GPAM: variants seen among roughly 807,000 people sequenced by gnomAD.
GPAM encodes the protein glycerol-3-phosphate acyltransferase, mitochondrial, also known as glycerol-3-phosphate acyltransferase 1, mitochondrial.
A neutral mutation model predicts 105.0 loss-of-function variants in GPAM; 56 were observed. The observed-to-expected ratio is 0.53, with a 90% CI of 0.43 to 0.67. GPAM has a LOEUF of 0.67. Among genes scored for constraint, GPAM ranks in the 30% least tolerant of loss-of-function variants. The pLI, the probability that GPAM is intolerant of heterozygous loss-of-function variation, is 0.00. For synonymous variants in GPAM, 368 were observed against 354.4 expected (o/e 1.04, Z -0.43); for missense variants, 855 against 989.8 (o/e 0.86, Z 1.83).
intron 1 of GPAM, among the ~76,000 whole-genome samples, chr10:112,208,783 C>T (rs1847878239): frequency 6.6e-6 from 1 of 152,110 alleles, no homozygotes; most frequent in Admixed American, 6.5e-5. Context: ...TCAACTAACC[C>T]CATCATTTGA....
the GPAM span, among the ~76,000 whole-genome samples, chr10:112,227,069 C>T: frequency 1.3e-5 from 2 of 152,196 alleles, no homozygotes; most frequent in Admixed American, 6.5e-5. Context: ...TCTCCCAACA[C>T]CGTGACCCCT....
rs59715102 is a variant in GPAM at position 112,200,244 on chromosome 10, T to TAGAGAGAGAG, written n.210+14914_210+14923dup. On this transcript the variant is annotated intron_variant and non_coding_transcript_variant, in intron 1 of 3. Transcript: ENST00000480130. ...CACTATATGTATATATATATATATATAGAGAGAGAGAGAGAGAGAGAGAGA... is the reference window on the plus strand; with the variant it reads ...CACTATATGTATATATATATATATATAGAGAGAGAGAGAGAGAGAGAGAGAGAGAGAGAGA... Among the ~76,000 whole-genome samples, 524 of 123,552 alleles carry TAGAGAGAGAG rather than the reference T, an allele frequency of 4.2e-3. 6 individuals are homozygous for TAGAGAGAGAG. Among genetic ancestry groups the TAGAGAGAGAG allele is most frequent in the African/African-American group, 0.016 (505 of 32,366 alleles). 81.1% of individuals were successfully genotyped at this position (123,552 alleles called of 152,430 possible).
intron 1 of GPAM, among the ~76,000 whole-genome samples, chr10:112,212,376 C>T (rs553189967): frequency 6.6e-6 from 1 of 152,136 alleles, no homozygotes; most frequent in Non-Finnish European, 1.5e-5. Context: ...CATTCTCCTG[C>T]CTCAGCCTCC....
In GPAM at chr10:112,153,383, G is replaced by A. The variant is rs565819212; in HGVS notation, c.*167C>T. On this transcript the variant is annotated 3_prime_UTR_variant, in exon 22 of 22. Transcript: ENST00000348367. ...AGGCTGCTGTGTTGATGCAGAGCTG[G>A]GAAGATCACAGATCCATGGAGGGAG... 4 of 1,564,690 alleles carry A rather than the reference G, an allele frequency of 2.6e-6. No individual in the cohort carries two copies. In the African/African-American group the frequency reaches 5.4e-5, roughly 21 times the overall value.
intron 1 of GPAM, among the ~76,000 whole-genome samples, chr10:112,202,440 T>G (rs1019075327): frequency 3.9e-5 from 6 of 152,228 alleles, no homozygotes; most frequent in Non-Finnish European, 8.8e-5. Context: ...GTAAGCCCTC[T>G]TTTAATAAGT....
At chr10:112,217,441 T>G (rs1312021514), upstream of GPAM, among the ~76,000 whole-genome samples, 1 of 135,580 alleles carries the variant, frequency 7.4e-6, no homozygotes, top group Non-Finnish European at 1.5e-5. Context: ...GTTTTGTTTG[T>G]TTTTTTTTTT....
At chr10:112,181,603 G>T in intron 3 of GPAM, 80 bp downstream of exon 3, 1 of 803,936 alleles carries the variant, frequency 1.2e-6, no homozygotes, top group Non-Finnish European at 2.3e-6. Flanking sequence ...TTATGTTGCT[G>T]CCAGTATTTG....
chr10:112,150,306 C>G lies in GPAM; in HGVS notation c.*3244G>C, dbSNP rs566762431. On this transcript the variant is annotated 3_prime_UTR_variant, in exon 22 of 22. Transcript: ENST00000348367. ...GCATTCAAACGTACAATACTTTCTT[C>G]TAGATCTGAATTAAAACCTTATTTA... 2.0e-6 allele frequency: 2 copies of G among 985,336 alleles called. No individual in the cohort carries two copies. The highest frequency in any genetic ancestry group is 2.3e-4 in the East Asian group (2 of 8,814). The allele number at this position is 985,336 out of a possible 1,614,324, so 61.0% of individuals were successfully genotyped here.
At position 112,160,743 on chromosome 10, in the gene GPAM, C is replaced by T. The variant is rs751287710; in HGVS notation, c.1620G>A (p.Leu540=). 3.7e-6 allele frequency: 6 copies of T among 1,614,000 alleles called. No homozygotes were observed. The highest frequency in any genetic ancestry group is 4.2e-6 in the Non-Finnish European group (5 of 1,180,028). Residue 540 remains leucine (L), a synonymous_variant, in exon 16 of 22, where the codon CTG becomes CTA. Transcript: ENST00000348367. ...EDVVMHAIQL[L]GNCVTITHTS... is the part of the protein sequence containing the mutation. Reference sequence around the variant, plus strand: ...TGTGGGTGATTGTGACACAATTTCCCAGCAGCTGTATGGCATGCATTACTA... The same window carrying T: ...TGTGGGTGATTGTGACACAATTTCCTAGCAGCTGTATGGCATGCATTACTA...
intron 5 of GPAM, 142 bp downstream of exon 5, chr10:112,177,842 T>C: frequency 1.6e-6 from 1 of 606,864 alleles, no homozygotes; most frequent in Non-Finnish European, 3.0e-6. Flanking sequence ...GCTTCCAATT[T>C]TCAGATAATC....
rs144738893 is a variant in GPAM, at chr10:112,179,989, T to C, written c.225+484A>G. Among the ~76,000 whole-genome samples the C allele has an allele frequency of 7.8e-3, 1,189 of 152,322 alleles. 3 individuals carry two copies. Among genetic ancestry groups the C allele is most frequent in the Middle Eastern group, 0.02 (6 of 294 alleles). ...ACAAACAACAAACCCATATACACTCTCTTAAATCTTCATTCTAACATTTTA... is the reference window on the plus strand; with the variant it reads ...ACAAACAACAAACCCATATACACTCCCTTAAATCTTCATTCTAACATTTTA... On this transcript the variant is annotated intron_variant, in intron 4 of 21. Coordinates refer to ENST00000348367, the MANE Select transcript of GPAM (RefSeq NM_001244949.2).
At chr10:112,220,988 G>C in the GPAM span, among the ~76,000 whole-genome samples, 1 of 152,046 alleles carries the variant, frequency 6.6e-6, no homozygotes, top group African/African-American at 2.4e-5. Flanking sequence ...AGAAGTAGTG[G>C]GGACTGGGGT....
intron 12 of GPAM, among the ~76,000 whole-genome samples, chr10:112,165,643 T>C (rs1847201985): frequency 6.6e-6 from 1 of 152,024 alleles, no homozygotes; most frequent in Admixed American, 6.6e-5. Context: ...TGAGCTGAGA[T>C]TTCGCCACTG....
chr10:112,164,566 A>C lies in GPAM; in HGVS notation c.1266T>G (p.Leu422=). 28 of 1,607,796 alleles carry C rather than the reference A, an allele frequency of 1.7e-5. 1 individual carries two copies. The South Asian group carries it at 3.1e-4, about 18-fold the overall frequency. Residue 422 remains leucine, a synonymous_variant, in exon 13 of 22, where the codon CTT becomes CTG. Transcript: ENST00000348367. ...SQSQKPVSAL[L]SLEQALLPAI... ...CTGGTAACAACGCTTGCTCCAGGGA[A>C]AGTAGAGCAGACACCGGTTTCTGAC...
intron 5 of GPAM, among the ~76,000 whole-genome samples, chr10:112,176,276 T>C (rs1290675524): frequency 6.6e-6 from 1 of 152,214 alleles, no homozygotes; most frequent in African/African-American, 2.4e-5. Flanking sequence ...GAAGCCAGAA[T>C]TTCTCACTTT....
chr10:112,187,912 A>C (rs113004853), upstream of GPAM, among the ~76,000 whole-genome samples: 4 of 152,314 alleles, frequency 2.6e-5, no homozygotes, highest in African/African-American at 9.6e-5. Context: ...GAAAATCCTT[A>C]ACTATTTAGA....
chr10:112,200,206 AT>A (rs1847778637), intron 1 of GPAM, among the ~76,000 whole-genome samples: 1 of 102,780 alleles, frequency 9.7e-6, no homozygotes, highest in Non-Finnish European at 1.9e-5. Flanking sequence ...ATATATATAT[AT>A]ATTTCAGTCC....
At chr10:112,194,569 T>C (rs754080676) in intron 1 of GPAM, among the ~76,000 whole-genome samples, 11 of 152,212 alleles carry the variant, frequency 7.2e-5, no homozygotes, top group Admixed American at 2.6e-4. Context: ...TGGAATGATA[T>C]GAAAATAAAG....
rs1847438574 is a variant in GPAM, at chr10:112,178,044, T to C, written c.239A>G (p.Asn80Ser). The change falls in exon 5 of 22, where the codon AAC becomes AGC. Residue 80 changes from asparagine (N) to serine (S), a missense_variant. Physicochemically the swap from Asn to Ser is conservative, Grantham distance 46 (BLOSUM62 1). Transcript: ENST00000348367. The stretch of plus-strand genomic sequence containing the variant: ...CAAACCCAAAGACGGGATACTGGGG[T>C]TGAAAAATTTGTCCTATATAAAACA... ...CTPQSWDKFFNPSIPSLGLRN... is the reference protein window; with the variant it reads ...CTPQSWDKFFSPSIPSLGLRN... 6.3e-7 allele frequency: 1 copy of C among 1,583,520 alleles called. No homozygotes were observed. Among genetic ancestry groups the C allele is most frequent in the Non-Finnish European group, 8.7e-7 (1 of 1,152,604 alleles).
Sources: allele counts gnomAD v4.1 joint callset (sites outside exome capture counted in the v4.1 genomes callset), GRCh38; gene constraint gnomAD v4.1.1; transcripts MANE v1.5; gene names NCBI Gene and HGNC (gene_info 2026-07-23, HGNC 2026-07-21).